Variants in SERINC2 observed in about 807,000 individuals in gnomAD.
SERINC2 encodes serine incorporator 2.
A neutral mutation model predicts 54.2 loss-of-function variants in SERINC2; 56 were observed. The observed-to-expected ratio is 1.03, with a 90% CI of 0.83 to 1.29. SERINC2 has a LOEUF of 1.29. SERINC2 is among the 50% of genes most tolerant of loss of function. The pLI, the probability that SERINC2 is intolerant of heterozygous loss-of-function variation, is 0.00. For missense variants in SERINC2, 614 were observed against 607.4 expected, an observed-to-expected ratio of 1.01 and a Z score of -0.12; for synonymous variants, 272 against 253.1, an observed-to-expected ratio of 1.07 and a Z score of -0.71.
chr1:31,430,839 C>T (rs553882612), intron 8 of SERINC2, among the ~76,000 whole-genome samples: 1 of 152,300 alleles, frequency 6.6e-6, no homozygotes, highest in African/African-American at 2.4e-5. Flanking sequence ...TTTCCATCTG[C>T]CCTTAACTCT....
chr1:31,433,287 G>A (rs1641376596), intron 9 of SERINC2, 102 bp downstream of exon 9: 1 of 994,450 alleles, frequency 1.0e-6, no homozygotes, highest in African/African-American at 1.6e-5. Context: ...GTCTGCTTAA[G>A]GCTTGGGGGT....
chr1:31,427,437 G>A (rs1240616134), intron 6 of SERINC2, among the ~76,000 whole-genome samples: 1 of 152,188 alleles, frequency 6.6e-6, no homozygotes, highest in Non-Finnish European at 1.5e-5. Flanking sequence ...GTCTTTAGCA[G>A]AAAGGCTGGG....
chr1:31,421,472 C>T (rs1570037736), intron 1 of SERINC2, among the ~76,000 whole-genome samples: 2 of 152,166 alleles, frequency 1.3e-5, no homozygotes, highest in East Asian at 3.9e-4. Flanking sequence ...GACAGGTGGA[C>T]TGTTTCAATT....
rs1191334673 is a variant in SERINC2 at position 31,429,555 on chromosome 1, A to G, written c.1013+17A>G. On this transcript the variant is annotated intron_variant, in intron 8 of 9. Coordinates refer to ENST00000373709, the MANE Select transcript of SERINC2 (RefSeq NM_178865.5). The stretch of plus-strand genomic sequence containing the variant: ...CTTCATCAGGTATGGCCAGGTCTGG[A>G]TTCTGGGGAAGGATCATGATTGAGG... 6.3e-7 allele frequency: 1 copy of G among 1,582,196 alleles called. No homozygotes were observed. The highest frequency in any genetic ancestry group is 8.6e-7 in the Non-Finnish European group (1 of 1,161,328).
In SERINC2 at chr1:31,425,819, C is replaced by T. The variant is rs1641026390; in HGVS notation, c.516C>T (p.Leu172=). The change falls in exon 5 of 10, where the codon CTC becomes CTT. Residue 172 remains leucine, a synonymous_variant. Transcript: ENST00000373709. ...TCGTGGGCTCCTTCCTCTTCATCCTCATCCAGCTGGTGCTGCTCATCGACT... is the reference window on the plus strand; with the variant it reads ...TCGTGGGCTCCTTCCTCTTCATCCTTATCCAGCTGGTGCTGCTCATCGACT... ...FGVVGSFLFI[L]IQLVLLIDFA... 6.2e-7 allele frequency: 1 copy of T among 1,613,592 alleles called. No homozygotes were observed. The highest frequency in any genetic ancestry group is 8.5e-7 in the Non-Finnish European group (1 of 1,179,946).
chr1:31,428,676 G>C (rs552050953), intron 6 of SERINC2, among the ~76,000 whole-genome samples: 1 of 152,200 alleles, frequency 6.6e-6, no homozygotes, highest in Non-Finnish European at 1.5e-5. Context: ...CAGACGGAGA[G>C]CAGGGAGGAG....
chr1:31,433,296 G>T, intron 9 of SERINC2, 111 bp downstream of exon 9: 2 of 885,490 alleles, frequency 2.3e-6, no homozygotes, highest in Non-Finnish European at 3.6e-6. Flanking sequence ...AGGCTTGGGG[G>T]TGGCGGTGTG....
chr1:31,423,384 A>AT (rs1208108604), intron 1 of SERINC2, among the ~76,000 whole-genome samples: 103 of 149,346 alleles, frequency 6.9e-4, no homozygotes, highest in Admixed American at 2.1e-3. Flanking sequence ...TGGCCTTGTG[A>AT]TTTTTTTTTT....
intron 6 of SERINC2, among the ~76,000 whole-genome samples, chr1:31,427,607 T>C (rs1167126774): frequency 6.6e-6 from 1 of 152,106 alleles, no homozygotes; most frequent in Non-Finnish European, 1.5e-5. Flanking sequence ...GTTGGGGATA[T>C]GGCTGTGAGG....
At position 31,413,899 on chromosome 1, in the gene SERINC2, G is replaced by A; in HGVS notation, c.39+595G>A. ...CTTCTGTCCGTCTGCCCGTCCGCCCGTCCGTCCCTCAGTCTCTCTGCGGTC... is the reference window on the plus strand; with the variant it reads ...CTTCTGTCCGTCTGCCCGTCCGCCCATCCGTCCCTCAGTCTCTCTGCGGTC... On this transcript the variant is annotated intron_variant, in intron 1 of 9. Transcript: ENST00000373709. The surrounding 1 kb of genome is among the most constrained non-coding windows in gnomAD (Gnocchi z 5.0). 7 of 1,450,758 alleles carry A rather than the reference G, an allele frequency of 4.8e-6. No individual in the cohort carries two copies. Among genetic ancestry groups the A allele is most frequent in the Non-Finnish European group, 6.3e-6 (7 of 1,110,070 alleles). 89.9% of individuals were successfully genotyped at this position (1,450,758 alleles called of 1,614,324 possible).
chr1:31,412,767 C>G (rs577792000), upstream of SERINC2, among the ~76,000 whole-genome samples: 1 of 152,350 alleles, frequency 6.6e-6, no homozygotes, highest in South Asian at 2.1e-4. Context: ...CCTCACTTTA[C>G]AGACCGGGAA....
At position 31,431,794 on chromosome 1, in the gene SERINC2, GA is replaced by G. The variant is rs1557499793; in HGVS notation, c.1014-1172del. On this transcript the variant is annotated intron_variant, in intron 8 of 9. Coordinates refer to ENST00000373709, the MANE Select transcript of SERINC2 (RefSeq NM_178865.5). ...GAGGGTGAATAGGGTGGATAGGGTG[GA>G]TAGGGTGGACAGGGTGGACAGGGTG... Among the ~76,000 whole-genome samples, 507 of 146,578 alleles carry G rather than the reference GA, an allele frequency of 3.5e-3. 66 individuals are homozygous for G. Among genetic ancestry groups the G allele is most frequent in the South Asian group, 5.0e-3 (22 of 4,444 alleles).
At chr1:31,420,047 T>A (rs1640869352) in intron 1 of SERINC2, among the ~76,000 whole-genome samples, 2 of 152,180 alleles carry the variant, frequency 1.3e-5, no homozygotes. Flanking sequence ...TTATGATCAG[T>A]GCCACAATGA....
intron 4 of SERINC2, 137 bp from the exon 5 acceptor site, chr1:31,425,639 C>A (rs115143581): frequency 1.7e-6 from 2 of 1,144,490 alleles, no homozygotes; most frequent in Non-Finnish European, 2.5e-6. Flanking sequence ...GCCCTCTGTG[C>A]GTAGCTAGGG....
chr1:31,426,832 G>T lies in SERINC2; in HGVS notation c.780+9G>T. The stretch of plus-strand genomic sequence containing the variant: ...TCCTGCCCAAGGTCCAGGTGAGCCT[G>T]CCTGACCCCCCCTGGCCTGAAGCCC... On this transcript the variant is annotated intron_variant, in intron 6 of 9. Transcript: ENST00000373709. 1 of 1,611,062 alleles carries T rather than the reference G, an allele frequency of 6.2e-7. No homozygotes were observed. The highest frequency in any genetic ancestry group is 8.5e-7 in the Non-Finnish European group (1 of 1,177,950).
intron 1 of SERINC2, among the ~76,000 whole-genome samples, chr1:31,418,644 G>T (rs1640836701): frequency 6.6e-6 from 1 of 152,044 alleles, no homozygotes; most frequent in Non-Finnish European, 1.5e-5. Flanking sequence ...CAAAGTGCTG[G>T]GATTACAGGC....
chr1:31,432,385 G>A (rs1553134832), intron 8 of SERINC2, among the ~76,000 whole-genome samples: 1 of 152,008 alleles, frequency 6.6e-6, no homozygotes, highest in Non-Finnish European at 1.5e-5. Flanking sequence ...AAACATCAAG[G>A]CTCATCACAG....
At chr1:31,414,421 TTGTGTGTGTGTG>T (rs1553131929) in intron 1 of SERINC2, 8 of 261,472 alleles carry the variant, frequency 3.1e-5, no homozygotes, top group African/African-American at 6.3e-5. Flanking sequence ...CCCTGACGGG[TTGTGTGTGTGTG>T]TGTGTGTGTG....
At position 31,425,325 on chromosome 1, in the gene SERINC2, T is replaced by A. The variant is rs1241221810; in HGVS notation, c.393-5T>A. On this transcript the variant is annotated splice_polypyrimidine_tract_variant and splice_region_variant and intron_variant, in intron 3 of 9. Transcript: ENST00000373709. ...TCCTTGTCCATTCCCCGACCCCTTC[T>A]GTAGGTTTTGGTTCTTTAAGTTCCT... The A allele has an allele frequency of 1.9e-6, 3 of 1,607,392 alleles. No individual in the cohort carries two copies. Among genetic ancestry groups the A allele is most frequent in the Non-Finnish European group, 2.6e-6 (3 of 1,173,850 alleles).
Sources: gnomAD v4.1 joint callset for allele counts (sites outside exome capture counted in the v4.1 genomes callset) on GRCh38, gnomAD v4.1.1 for gene constraint, Gnocchi (gnomAD v3.1) non-coding constraint, MANE v1.5 for transcripts, NCBI Gene and HGNC (gene_info 2026-07-23, HGNC 2026-07-21) for gene names.